Variants in MAST4 observed in about 807,000 individuals in gnomAD.
The protein encoded by MAST4 is microtubule-associated serine/threonine-protein kinase 4.
Under a neutral mutation model 162.7 loss-of-function variants are expected in MAST4, and 89 were observed. The observed-to-expected ratio is 0.55, with a 90% confidence interval of 0.46 to 0.65. The LOEUF (loss-of-function observed/expected upper bound fraction) is 0.65. MAST4 is among the 30% of genes least tolerant of loss of function. MAST4 has a pLI of 0.00. For synonymous variants in MAST4, 1,479 were observed against 1,361.1 expected (o/e 1.09, Z -1.91); for missense variants, 3,153 against 3,374.0 (o/e 0.93, Z 1.62).
intron 1 of MAST4, among the ~76,000 whole-genome samples, chr5:66,647,037 AT>A (rs1745885523): frequency 6.6e-6 from 1 of 152,096 alleles, no homozygotes; most frequent in Admixed American, 6.6e-5. Context: ...TATAACATCC[AT>A]TGGTTTTCCT....
Position 67,166,322 on chromosome 5 carries a change from A to G in MAST4, c.7143A>G (p.Pro2381=), listed in dbSNP as rs377243749. 3 of 1,590,662 alleles carry G rather than the reference A, an allele frequency of 1.9e-6. No individual in the cohort carries two copies. Among genetic ancestry groups the G allele is most frequent in the Non-Finnish European group, 1.7e-6 (2 of 1,168,036 alleles). ...AATGCACTGAAGCACTTTATGCTCC[A>G]GCAGAGGGCGACAAGCTCGAGGCCG... is the stretch of plus-strand genomic sequence containing the variant. ...GKKCTEALYA[P]AEGDKLEAGL... Residue 2381 remains proline, a synonymous_variant, in exon 29 of 29, where the codon CCA becomes CCG. Coordinates refer to ENST00000403625, the MANE Select transcript of MAST4 (RefSeq NM_001164664.2).
chr5:67,005,223 G>A (rs1261999762), intron 4 of MAST4: 3 of 656,486 alleles, frequency 4.6e-6, no homozygotes, highest in Admixed American at 2.4e-5. Context: ...CCCCGCTAGG[G>A]GAGGGGGTAC....
chr5:67,124,279 C>T (rs1194499401), intron 14 of MAST4, among the ~76,000 whole-genome samples: 2 of 152,156 alleles, frequency 1.3e-5, no homozygotes, highest in Non-Finnish European at 2.9e-5. Context: ...GAAAGCACAA[C>T]CTCTGGGACC....
chr5:67,040,256 C>T (rs1312778745), intron 4 of MAST4, among the ~76,000 whole-genome samples: 1 of 151,852 alleles, frequency 6.6e-6, no homozygotes, highest in Non-Finnish European at 1.5e-5. Context: ...TTTTGAAATC[C>T]ACTAAAAAAC....
At chr5:66,621,993 A>G (rs1324170308) in intron 1 of MAST4, among the ~76,000 whole-genome samples, 2 of 152,158 alleles carry the variant, frequency 1.3e-5, no homozygotes, top group African/African-American at 4.8e-5. Flanking sequence ...CTGTGTTCCA[A>G]CAACACTGCT....
chr5:66,728,476 C>G (rs773290586), intron 1 of MAST4, among the ~76,000 whole-genome samples: 1 of 152,114 alleles, frequency 6.6e-6, no homozygotes, highest in African/African-American at 2.4e-5. Context: ...ATATACATAT[C>G]TATAATATGG....
At chr5:66,736,272 T>C (rs970107251) in intron 1 of MAST4, among the ~76,000 whole-genome samples, 7 of 152,106 alleles carry the variant, frequency 4.6e-5, no homozygotes, top group Non-Finnish European at 1.0e-4. Context: ...AGATGCAGAA[T>C]GCCAGGAGAT....
chr5:66,645,763 T>TA (rs1255255058), intron 1 of MAST4, among the ~76,000 whole-genome samples: 8 of 152,200 alleles, frequency 5.3e-5, no homozygotes, highest in East Asian at 1.9e-4. Context: ...GCTTTTATTA[T>TA]AAAAAAGTTC....
At chr5:67,045,616 T>C (rs1183084083) in intron 4 of MAST4, among the ~76,000 whole-genome samples, 1 of 152,222 alleles carries the variant, frequency 6.6e-6, no homozygotes, top group Non-Finnish European at 1.5e-5. Context: ...GTTTAGATCC[T>C]GTCAACCTGA....
chr5:66,956,898 ACAATGTATTTTGGGT>A (rs1366599472), intron 4 of MAST4, among the ~76,000 whole-genome samples: 1 of 152,188 alleles, frequency 6.6e-6, no homozygotes, highest in Non-Finnish European at 1.5e-5. Context: ...TAGCCAAGAT[ACAATGTATTTTGGGT>A]CAATGTATTT....
chr5:66,872,258 C>G (rs1271741813), intron 3 of MAST4, among the ~76,000 whole-genome samples: 1 of 152,132 alleles, frequency 6.6e-6, no homozygotes, highest in East Asian at 1.9e-4. Flanking sequence ...CAACCTCCAC[C>G]TCCTGGGTTC....
chr5:66,703,729 T>C (rs1749931336), intron 1 of MAST4, among the ~76,000 whole-genome samples: 1 of 152,234 alleles, frequency 6.6e-6, no homozygotes, highest in South Asian at 2.1e-4. Context: ...GGTTTTGTTA[T>C]TCTTAGGCAT....
chr5:66,838,280 G>A (rs1758170186), intron 3 of MAST4, among the ~76,000 whole-genome samples: 1 of 152,046 alleles, frequency 6.6e-6, no homozygotes, highest in Admixed American at 6.6e-5. Context: ...CTTCAATAAT[G>A]TACATGTTTG....
At chr5:66,957,155 C>T (rs1745414775) in intron 4 of MAST4, among the ~76,000 whole-genome samples, 1 of 152,092 alleles carries the variant, frequency 6.6e-6, no homozygotes, top group Non-Finnish European at 1.5e-5. Context: ...AATGTGTTTC[C>T]TGAGATGAAG....
chr5:66,657,404 C>G (rs562641900), intron 1 of MAST4, among the ~76,000 whole-genome samples: 2 of 152,330 alleles, frequency 1.3e-5, no homozygotes, highest in African/African-American at 4.8e-5. Flanking sequence ...GACCCCTTAA[C>G]ATTCTAATTG....
intron 3 of MAST4, among the ~76,000 whole-genome samples, chr5:66,896,481 A>T (rs939879940): frequency 1.3e-5 from 2 of 151,934 alleles, no homozygotes; most frequent in Admixed American, 6.5e-5. Context: ...CCACTCTCAA[A>T]GAGAGGAGAT....
chr5:66,851,125 G>A (rs1198689291), intron 3 of MAST4, among the ~76,000 whole-genome samples: 3 of 151,874 alleles, frequency 2.0e-5, no homozygotes, highest in African/African-American at 4.8e-5. Flanking sequence ...AAATCAAATG[G>A]GATTTTAGCA....
chr5:67,068,442 A>G (rs1260018276), intron 5 of MAST4, among the ~76,000 whole-genome samples: 1 of 152,166 alleles, frequency 6.6e-6, no homozygotes, highest in Non-Finnish European at 1.5e-5. Context: ...CCAGATGATT[A>G]TAAGGCCGTC....
Position 66,616,165 on chromosome 5 carries a change from A to T in MAST4, c.363+19147A>T, listed in dbSNP as rs182663160. Among the ~76,000 whole-genome samples, 322 of 152,274 alleles carry T rather than the reference A, an allele frequency of 2.1e-3. 2 individuals carry two copies. Among genetic ancestry groups the T allele is most frequent in the African/African-American group, 7.5e-3 (311 of 41,546 alleles). On this transcript the variant is annotated intron_variant, in intron 1 of 28. Transcript: ENST00000403625. ...TGAAGCTCTGAAACAAATGCCAGCC[A>T]CTCAGAGACTGATAGAAGAAGAACT...
Sources: allele counts gnomAD v4.1 joint callset (sites outside exome capture counted in the v4.1 genomes callset), GRCh38; gene constraint gnomAD v4.1.1; transcripts MANE v1.5; gene names NCBI Gene and HGNC (gene_info 2026-07-23, HGNC 2026-07-21).